PHF24: variants seen among roughly 807,000 people sequenced by gnomAD.
PHF24 encodes the protein Galpha inhibitory interacting protein.
Under a neutral mutation model 42.6 loss-of-function variants are expected in PHF24, and 25 were observed. The ratio of observed to expected loss-of-function variants is 0.59; its 90% CI spans 0.43 to 0.82. PHF24 has a LOEUF of 0.82. Ranked by LOEUF, PHF24 falls within the 40% of genes least tolerant of loss-of-function variation. The pLI is 0.00. For synonymous variants in PHF24, 185 were observed against 204.8 expected (o/e 0.90, Z 0.83); for missense variants, 470 against 538.1 (o/e 0.87, Z 1.25).
chr9:34,923,036 A>T, the PHF24 span: 1 of 449,362 alleles, frequency 2.2e-6, no homozygotes, highest in Non-Finnish European at 3.7e-6. Flanking sequence ...CCAGTTTTTT[A>T]AGTTTTGTTT....
upstream of PHF24, among the ~76,000 whole-genome samples, chr9:34,954,127 T>C (rs1188074783): frequency 6.6e-6 from 1 of 152,014 alleles, no homozygotes; most frequent in Admixed American, 6.6e-5. Context: ...CTGGGCAACA[T>C]AGCAAGACTC....
chr9:34,699,656 AC>A, the PHF24 span, among the ~76,000 whole-genome samples: 7 of 152,190 alleles, frequency 4.6e-5, no homozygotes, highest in African/African-American at 1.7e-4. Context: ...GTTGGGAAGG[AC>A]CCTGAGAATC....
At chr9:34,929,453 C>T in the PHF24 span, among the ~76,000 whole-genome samples, 1 of 152,170 alleles carries the variant, frequency 6.6e-6, no homozygotes, top group African/African-American at 2.4e-5. Flanking sequence ...CTTTTCTGTT[C>T]TCTTTACTGC....
At chr9:34,903,929 AT>A in the PHF24 span, among the ~76,000 whole-genome samples, 1 of 151,238 alleles carries the variant, frequency 6.6e-6, no homozygotes, top group African/African-American at 2.4e-5. Flanking sequence ...TTTTATTTTT[AT>A]TTTTTTTCAG....
the PHF24 span, among the ~76,000 whole-genome samples, chr9:34,797,481 G>A: frequency 1.3e-5 from 2 of 152,144 alleles, no homozygotes; most frequent in African/African-American, 4.8e-5. Flanking sequence ...GAAGGGAATG[G>A]ATTGGGAAGG....
At chr9:34,971,924 C>A (rs1478000101) in intron 2 of PHF24, among the ~76,000 whole-genome samples, 1 of 152,172 alleles carries the variant, frequency 6.6e-6, no homozygotes. Context: ...CCCCTCTTCC[C>A]CGCTGCCATG....
chr9:34,966,440 T>G (rs1175852204), intron 1 of PHF24, among the ~76,000 whole-genome samples: 1 of 152,068 alleles, frequency 6.6e-6, no homozygotes, highest in Admixed American at 6.6e-5. Flanking sequence ...TTTCAAAAAT[T>G]AGCACGACCT....
the PHF24 span, among the ~76,000 whole-genome samples, chr9:34,798,842 T>C: frequency 6.6e-6 from 1 of 152,228 alleles, no homozygotes; most frequent in Non-Finnish European, 1.5e-5. Context: ...AAGCTTTCCC[T>C]CTTCTCCACG....
the PHF24 span, among the ~76,000 whole-genome samples, chr9:34,787,179 G>T: frequency 6.6e-6 from 1 of 152,150 alleles, no homozygotes; most frequent in Non-Finnish European, 1.5e-5. Flanking sequence ...TGGTATGATA[G>T]TTATCTTATG....
the PHF24 span, among the ~76,000 whole-genome samples, chr9:34,784,865 A>G: frequency 1.1e-4 from 17 of 152,370 alleles, no homozygotes; most frequent in Middle Eastern, 6.8e-3. Flanking sequence ...ATTTATATTG[A>G]GTCAACCAGT....
chr9:34,743,772 A>G, the PHF24 span, among the ~76,000 whole-genome samples: 1 of 152,102 alleles, frequency 6.6e-6, no homozygotes, highest in Admixed American at 6.5e-5. Flanking sequence ...CCTATGTCTT[A>G]GTCTGTTTTT....
At chr9:34,665,755 G>A in the PHF24 span, 1 of 688,704 alleles carries the variant, frequency 1.5e-6, no homozygotes, top group South Asian at 1.5e-5. Flanking sequence ...GGACGAGGCT[G>A]CCCAGTTCTC....
the PHF24 span, among the ~76,000 whole-genome samples, chr9:34,802,249 A>G: frequency 6.6e-6 from 1 of 152,156 alleles, no homozygotes; most frequent in African/African-American, 2.4e-5. Context: ...GTTCTCATTC[A>G]GCTGCCAATT....
chr9:34,721,052 C>G, the PHF24 span, among the ~76,000 whole-genome samples: 2 of 152,196 alleles, frequency 1.3e-5, no homozygotes, highest in Non-Finnish European at 2.9e-5. Flanking sequence ...GTGGAAGAAT[C>G]CTTTCTTCTA....
chr9:34,962,893 A>G (rs1826641478), intron 1 of PHF24, among the ~76,000 whole-genome samples: 1 of 152,232 alleles, frequency 6.6e-6, no homozygotes. Context: ...TAAATATTAA[A>G]CAGCAGCAGG....
chr9:34,935,574 A>T, the PHF24 span, among the ~76,000 whole-genome samples: 1 of 146,148 alleles, frequency 6.8e-6, no homozygotes, highest in South Asian at 2.3e-4. Flanking sequence ...AGCCTGGGGG[A>T]CAGAGCGAGA....
At chr9:34,681,609 G>C in the PHF24 span, among the ~76,000 whole-genome samples, 1 of 152,312 alleles carries the variant, frequency 6.6e-6, no homozygotes, top group Non-Finnish European at 1.5e-5. Context: ...TCAGGAGTTC[G>C]AGACCAGCTT....
At chr9:34,956,520 G>A (rs1826376478), upstream of PHF24, among the ~76,000 whole-genome samples, 1 of 152,200 alleles carries the variant, frequency 6.6e-6, no homozygotes, top group Non-Finnish European at 1.5e-5. Flanking sequence ...CCAAAGTGCT[G>A]GAATTACAGG....
chr9:34,920,115 T>A, the PHF24 span, among the ~76,000 whole-genome samples: 1 of 152,172 alleles, frequency 6.6e-6, no homozygotes, highest in Non-Finnish European at 1.5e-5. Flanking sequence ...ATTTTTAGTT[T>A]TCTGAGGAAC....
Sources: allele counts gnomAD v4.1 joint callset (sites outside exome capture counted in the v4.1 genomes callset), GRCh38; gene constraint gnomAD v4.1.1; transcripts MANE v1.5; gene names NCBI Gene and HGNC (gene_info 2026-07-23, HGNC 2026-07-21).